COL4A1: variants seen among roughly 807,000 people sequenced by gnomAD.
COL4A1 encodes the protein collagen type IV alpha 1 chain.
COL4A1 carries 40 observed loss-of-function variants against 216.6 expected under a neutral mutation model. That is an observed-to-expected ratio of 0.18 (90% CI 0.14 to 0.24). COL4A1 has a LOEUF of 0.24. Among genes scored for constraint, COL4A1 ranks in the 10% least tolerant of loss-of-function variants. COL4A1 has a pLI of 1.00. For missense variants in COL4A1, 1,628 were observed against 2,196.8 expected, an observed-to-expected ratio of 0.74 and a Z score of 5.18; for synonymous variants, 839 against 810.7, an observed-to-expected ratio of 1.03 and a Z score of -0.59.
At chr13:110,183,635 C>G (rs182992116) in intron 26 of COL4A1, among the ~76,000 whole-genome samples, 2 of 152,224 alleles carry the variant, frequency 1.3e-5, no homozygotes, top group Non-Finnish European at 2.9e-5. Flanking sequence ...AGTCAAAATA[C>G]TTTTGCTGTT....
intron 49 of COL4A1, among the ~76,000 whole-genome samples, chr13:110,156,440 G>A (rs1216903168): frequency 1.3e-5 from 2 of 152,190 alleles, no homozygotes. Flanking sequence ...GCCTCCTGCG[G>A]GAAACTTGTC....
chr13:110,170,254 G>A (rs1329989586), intron 42 of COL4A1, among the ~76,000 whole-genome samples: 1 of 152,232 alleles, frequency 6.6e-6, no homozygotes, highest in African/African-American at 2.4e-5. Flanking sequence ...GAACCCACAA[G>A]TGGGCCCAAG....
At chr13:110,271,460 G>A (rs56258703) in intron 1 of COL4A1, among the ~76,000 whole-genome samples, 21,192 of 152,244 alleles carry the variant, frequency 0.14, 1,954 homozygotes, top group Non-Finnish European at 0.2. Context: ...CACCTCCCAA[G>A]GAGGAGACAA....
chr13:110,161,232 C>G lies in COL4A1; in HGVS notation c.4600G>C (p.Ala1534Pro), dbSNP rs1877070529. Reference protein sequence around the residue: ...STPEPMPMSMAPITGENIRPF... With the variant: ...STPEPMPMSMPPITGENIRPF... ...CTTATGTTTTCCCCCGTGATGGGTG[C>G]CATTGACATGGGCATGGGCTCAGGG... The change falls in exon 49 of 52, where the codon GCA becomes CCA. Residue 1534 changes from alanine to proline, a missense_variant. By Grantham distance (27) the Ala-to-Pro change is conservative (BLOSUM62 -1). Transcript: ENST00000375820. 1.2e-6 allele frequency: 2 copies of G among 1,614,064 alleles called. No homozygotes were observed. Among genetic ancestry groups the G allele is most frequent in the South Asian group, 2.2e-5 (2 of 91,086 alleles).
intron 46 of COL4A1, 75 bp downstream of exon 46, chr13:110,164,787 C>A (rs555878523): frequency 7.6e-4 from 1,192 of 1,571,764 alleles, no homozygotes; most frequent in Non-Finnish European, 9.9e-4. Flanking sequence ...ATTTTAGATA[C>A]ATGGGTGAGG....
At chr13:110,246,510 G>T (rs1027063333) in intron 1 of COL4A1, among the ~76,000 whole-genome samples, 1 of 152,168 alleles carries the variant, frequency 6.6e-6, no homozygotes, top group Admixed American at 6.5e-5. Context: ...GGTTACCCAG[G>T]TTCACAATTT....
At position 110,207,897 on chromosome 13, in the gene COL4A1, G is replaced by C. The variant is rs565357628; in HGVS notation, c.694-408C>G. ...TCCCAGAATAAGACAACCATCAAGA[G>C]TCTCCCTCCTCGGGCATCCTAACTG... On this transcript the variant is annotated intron_variant, in intron 12 of 51. Coordinates refer to ENST00000375820, the MANE Select transcript of COL4A1 (RefSeq NM_001845.6). This position sits in a 1 kb window ranked among gnomAD's most constrained non-coding sequence, Gnocchi z 4.4. Among the ~76,000 whole-genome samples the C allele has an allele frequency of 1.0e-3, 145 of 140,210 alleles. 3 individuals carry two copies. The East Asian group carries it at 0.019, about 18-fold the overall frequency. The allele number at this position is 140,210 out of a possible 152,430, so 92.0% of individuals were successfully genotyped here.
At chr13:110,302,789 G>C (rs55893443) in intron 1 of COL4A1, among the ~76,000 whole-genome samples, 20,443 of 152,150 alleles carry the variant, frequency 0.13, 1,674 homozygotes, top group Middle Eastern at 0.18. Context: ...TTCTATAGTT[G>C]ACATTTTTTC....
intron 36 of COL4A1, among the ~76,000 whole-genome samples, chr13:110,176,145 C>G (rs1232912030): frequency 6.6e-6 from 1 of 152,218 alleles, no homozygotes; most frequent in Non-Finnish European, 1.5e-5. Context: ...AGATCCTAGA[C>G]AAGGGGATGG....
intron 19 of COL4A1, 24 bp from the exon 20 acceptor site, chr13:110,200,913 G>C: frequency 6.2e-7 from 1 of 1,613,466 alleles, no homozygotes; most frequent in Non-Finnish European, 8.5e-7. Flanking sequence ...GAGAGTGTTG[G>C]ATCAAACAGA....
intron 22 of COL4A1, among the ~76,000 whole-genome samples, chr13:110,193,650 C>G (rs1452035409): frequency 6.6e-6 from 1 of 152,264 alleles, no homozygotes; most frequent in African/African-American, 2.4e-5. Context: ...TTCTTCCCAT[C>G]CCTGCCCTGG....
chr13:110,267,768 T>C (rs754679879), intron 1 of COL4A1, among the ~76,000 whole-genome samples: 4 of 152,202 alleles, frequency 2.6e-5, no homozygotes, highest in Non-Finnish European at 5.9e-5. Flanking sequence ...AATAATGGCA[T>C]TGGAATAGCT....
In COL4A1 at chr13:110,307,047, C is replaced by A. The variant is rs886049965; in HGVS notation, c.-20G>T. On this transcript the variant is annotated 5_prime_UTR_variant, in exon 1 of 52. Transcript: ENST00000375820. This position sits in a 1 kb window ranked among gnomAD's most constrained non-coding sequence, Gnocchi z 5.0. ...CCCCATGGTGGCGCGCCCGAGGCGG[C>A]GAGGGACGGCTGCCCGGCGTGCGGG... The A allele has an allele frequency of 6.9e-6, 10 of 1,450,258 alleles. No homozygotes were observed. The highest frequency in any genetic ancestry group is 9.0e-6 in the Non-Finnish European group (10 of 1,105,916). The allele number at this position is 1,450,258 out of a possible 1,614,324, so 89.8% of individuals were successfully genotyped here.
chr13:110,221,560 T>C (rs1701537132), intron 2 of COL4A1, among the ~76,000 whole-genome samples: 1 of 152,168 alleles, frequency 6.6e-6, no homozygotes, highest in Non-Finnish European at 1.5e-5. Context: ...ATCTTAAAAA[T>C]TTCCAAAGGT....
chr13:110,300,236 G>A (rs1456070814), intron 1 of COL4A1, among the ~76,000 whole-genome samples: 4 of 152,170 alleles, frequency 2.6e-5, no homozygotes, highest in African/African-American at 9.7e-5. Flanking sequence ...CTTCAAAAAT[G>A]CCCCATGTGC....
intron 2 of COL4A1, among the ~76,000 whole-genome samples, chr13:110,215,930 C>T (rs770862465): frequency 6.6e-6 from 1 of 152,242 alleles, no homozygotes; most frequent in African/African-American, 2.4e-5. Flanking sequence ...GAACCTGGGA[C>T]TCAGCCGCCA....
intron 1 of COL4A1, among the ~76,000 whole-genome samples, chr13:110,260,258 T>G (rs1882761291): frequency 6.6e-6 from 1 of 152,180 alleles, no homozygotes; most frequent in South Asian, 2.1e-4. Flanking sequence ...CTAGAGAGCT[T>G]GAGCAGGGGA....
intron 19 of COL4A1, among the ~76,000 whole-genome samples, chr13:110,201,226 G>A (rs1434480083): frequency 7.5e-6 from 1 of 132,964 alleles, no homozygotes; most frequent in Non-Finnish European, 1.7e-5. Context: ...TAGAAAGCGT[G>A]GGGAGAGAGA....
At chr13:110,258,171 T>C (rs946014548) in intron 1 of COL4A1, among the ~76,000 whole-genome samples, 2 of 152,228 alleles carry the variant, frequency 1.3e-5, no homozygotes, top group Admixed American at 1.3e-4. Flanking sequence ...AGAAAACCTT[T>C]TGCTACCACA....
Sources: gnomAD v4.1 joint callset for allele counts (sites outside exome capture counted in the v4.1 genomes callset) on GRCh38, gnomAD v4.1.1 for gene constraint, Gnocchi (gnomAD v3.1) non-coding constraint, MANE v1.5 for transcripts, NCBI Gene and HGNC (gene_info 2026-07-23, HGNC 2026-07-21) for gene names.